Variants in CEPT1 observed in about 807,000 individuals in gnomAD.
CEPT1 encodes choline/ethanolaminephosphotransferase 1.
A neutral mutation model predicts 42.6 loss-of-function variants in CEPT1; 7 were observed. That is an observed-to-expected ratio of 0.16 (90% CI 0.09 to 0.31). The LOEUF is 0.31. Among genes scored for constraint, CEPT1 ranks in the 10% least tolerant of loss-of-function variants. CEPT1 has a pLI of 1.00. For missense variants in CEPT1, 306 were observed against 502.1 expected, an observed-to-expected ratio of 0.61 and a Z score of 3.73; for synonymous variants, 171 against 171.9, an observed-to-expected ratio of 0.99 and a Z score of 0.04.
At position 111,161,320 on chromosome 1, in the gene CEPT1, T is replaced by G. The variant is rs186592058; in HGVS notation, c.629+24T>G. The G allele has an allele frequency of 2.9e-3, 4,617 of 1,579,218 alleles. 12 individuals are homozygous for G. Among genetic ancestry groups the G allele is most frequent in the Non-Finnish European group, 3.7e-3 (4,299 of 1,164,364 alleles). On this transcript the variant is annotated intron_variant, in intron 4 of 8. Transcript: ENST00000357172. ...ATGTAAGTAATACTTAATGGTAATTTTTGTTTTCTCTTTCACATATGGAGA... is the reference window on the plus strand; with the variant it reads ...ATGTAAGTAATACTTAATGGTAATTGTTGTTTTCTCTTTCACATATGGAGA...
At chr1:111,145,720 G>A (rs536347244) in intron 1 of CEPT1, among the ~76,000 whole-genome samples, 8 of 152,230 alleles carry the variant, frequency 5.3e-5, no homozygotes, top group Admixed American at 2.0e-4. Context: ...AGCCATGGCC[G>A]GGTCTCAGTT....
At chr1:111,162,039 A>G (rs1325865975) in intron 4 of CEPT1, among the ~76,000 whole-genome samples, 1 of 152,214 alleles carries the variant, frequency 6.6e-6, no homozygotes, top group Non-Finnish European at 1.5e-5. Context: ...ACAACTCCAT[A>G]TGGTTGGATG....
intron 4 of CEPT1, among the ~76,000 whole-genome samples, chr1:111,170,019 T>C (rs1259318609): frequency 6.6e-6 from 1 of 152,218 alleles, no homozygotes; most frequent in East Asian, 1.9e-4. Context: ...ATGTGCTTAC[T>C]GTAGTGCTAA....
At chr1:111,164,081 C>T (rs1009040452) in intron 4 of CEPT1, among the ~76,000 whole-genome samples, 2 of 151,780 alleles carry the variant, frequency 1.3e-5, no homozygotes, top group African/African-American at 4.8e-5. Context: ...ATTTTTTGTT[C>T]CTTAGCCTCT....
At chr1:111,149,551 C>T (rs918245317) in intron 2 of CEPT1, among the ~76,000 whole-genome samples, 3 of 152,176 alleles carry the variant, frequency 2.0e-5, no homozygotes, top group Admixed American at 2.0e-4. Context: ...TGAGCAACTG[C>T]GCCCAGCTCC....
At chr1:111,162,231 A>C (rs1434173239) in intron 4 of CEPT1, among the ~76,000 whole-genome samples, 1 of 152,242 alleles carries the variant, frequency 6.6e-6, no homozygotes, top group Non-Finnish European at 1.5e-5. Context: ...GCAGTAAGGC[A>C]GAGGGTAAAT....
chr1:111,177,163 G>A (rs897409333), intron 5 of CEPT1, among the ~76,000 whole-genome samples: 14 of 152,126 alleles, frequency 9.2e-5, no homozygotes, highest in African/African-American at 3.4e-4. Flanking sequence ...GCCCCATGTC[G>A]GGCATTGGGG....
chr1:111,143,145 G>A (rs1388238767), intron 1 of CEPT1, among the ~76,000 whole-genome samples: 3 of 152,174 alleles, frequency 2.0e-5, no homozygotes, highest in Admixed American at 6.5e-5. Context: ...ACAACTCTGC[G>A]TTAATTCTCC....
intron 1 of CEPT1, among the ~76,000 whole-genome samples, chr1:111,145,308 A>G (rs769951958): frequency 1.6e-4 from 24 of 152,196 alleles, no homozygotes; most frequent in Non-Finnish European, 2.5e-4. Context: ...CTGGCGAAAT[A>G]TTAAATATTT....
At chr1:111,162,175 C>G (rs680025) in intron 4 of CEPT1, among the ~76,000 whole-genome samples, 31,196 of 152,098 alleles carry the variant, frequency 0.21, 3,358 homozygotes, top group Middle Eastern at 0.27. Context: ...TTTGCAGGAC[C>G]TAAAGCAGGG....
At chr1:111,167,967 A>G (rs1656220598) in intron 4 of CEPT1, 1 of 218,796 alleles carries the variant, frequency 4.6e-6, no homozygotes, top group South Asian at 1.7e-4. Context: ...GTCATAGGTC[A>G]CTGCAGCCTT....
intron 4 of CEPT1, among the ~76,000 whole-genome samples, chr1:111,174,223 C>T (rs1480414914): frequency 6.6e-6 from 1 of 152,094 alleles, no homozygotes; most frequent in Non-Finnish European, 1.5e-5. Context: ...CCCTGTTGTG[C>T]ATGAGGTTTG....
At chr1:111,175,015 G>T in intron 5 of CEPT1, 52 bp downstream of exon 5, 1 of 1,112,646 alleles carries the variant, frequency 9.0e-7, no homozygotes, top group Non-Finnish European at 1.4e-6. Flanking sequence ...TCTTTTGCTT[G>T]TGTTTTCTAA....
At position 111,147,666 on chromosome 1, in the gene CEPT1, C is replaced by A; in HGVS notation, c.-49C>A. ...GGTAAGCACCAGCCACAAAAACCTACAAAAGAAGGGAAATTACTGTCTTTA... is the reference window on the plus strand; with the variant it reads ...GGTAAGCACCAGCCACAAAAACCTAAAAAAGAAGGGAAATTACTGTCTTTA... On this transcript the variant is annotated 5_prime_UTR_variant, in exon 2 of 9. Transcript: ENST00000357172. 1 of 1,393,386 alleles carries A rather than the reference C, an allele frequency of 7.2e-7. No individual in the cohort carries two copies. Among genetic ancestry groups the A allele is most frequent in the South Asian group, 1.5e-5 (1 of 68,624 alleles). The allele number at this position is 1,393,386 out of a possible 1,614,324, so 86.3% of individuals were successfully genotyped here.
Position 111,142,563 on chromosome 1 carries a change from A to G in CEPT1, c.-74+2256A>G, listed in dbSNP as rs570525120. ...CCTAGCTTCTCTGTGGCTGAGACAC[A>G]GGAATCGCTTGAACCCAGGAGGAGG... On this transcript the variant is annotated intron_variant, in intron 1 of 8. Transcript: ENST00000357172. Among the ~76,000 whole-genome samples, 45 of 152,316 alleles carry G rather than the reference A, an allele frequency of 3.0e-4. 1 individual carries two copies. The highest frequency in any genetic ancestry group is 1.0e-3 in the African/African-American group (43 of 41,562).
intron 2 of CEPT1, among the ~76,000 whole-genome samples, chr1:111,150,312 G>A (rs1247884232): frequency 6.6e-6 from 1 of 152,130 alleles, no homozygotes; most frequent in Non-Finnish European, 1.5e-5. Context: ...AGGGTACCTA[G>A]CATATAATGT....
At chr1:111,183,411 T>G in intron 7 of CEPT1, 51 bp from the exon 8 acceptor site, 1 of 1,594,970 alleles carries the variant, frequency 6.3e-7, no homozygotes, top group Non-Finnish European at 8.6e-7. Context: ...ACTGTGTAGT[T>G]CACAATTGTC....
At chr1:111,167,573 T>A in intron 4 of CEPT1, 10 of 962,484 alleles carry the variant, frequency 1.0e-5, no homozygotes, top group Non-Finnish European at 1.2e-5. Context: ...GTAAGGAAGT[T>A]GAGATGATTC....
In CEPT1 at chr1:111,165,136, G is replaced by A. The variant is rs113218285; in HGVS notation, c.629+3840G>A. On this transcript the variant is annotated intron_variant, in intron 4 of 8. Transcript: ENST00000357172. ...GCGATCTCGACTCACTGCAACCTCC[G>A]CCTCCTGGGTTCATGCCATTCTCCT... is the stretch of plus-strand genomic sequence containing the variant. Among the ~76,000 whole-genome samples the A allele has an allele frequency of 8.0e-3, 1,006 of 125,838 alleles. 11 individuals carry two copies. Among genetic ancestry groups the A allele is most frequent in the African/African-American group, 0.029 (943 of 32,952 alleles). 82.6% of individuals were successfully genotyped at this position (125,838 alleles called of 152,430 possible). A position where few individuals can be genotyped will look rare whatever the true frequency, so the allele number is the denominator to read the frequency against.
Sources: gnomAD v4.1 joint callset for allele counts (sites outside exome capture counted in the v4.1 genomes callset) on GRCh38, gnomAD v4.1.1 for gene constraint, MANE v1.5 for transcripts, NCBI Gene and HGNC (gene_info 2026-07-23, HGNC 2026-07-21) for gene names.